DPP8: variants seen among roughly 807,000 people sequenced by gnomAD.
DPP8 encodes the protein DPP VIII.
In DPP8, 31 loss-of-function variants were observed where a neutral mutation model predicts 107.5. That is an observed-to-expected ratio of 0.29 (90% CI 0.22 to 0.39). The LOEUF is 0.39. DPP8 is among the 10% of genes least tolerant of loss of function. The pLI is 1.00. For synonymous variants in DPP8, 381 were observed against 356.6 expected (o/e 1.07, Z -0.77); for missense variants, 842 against 1,076.1 (o/e 0.78, Z 3.04).
intron 14 of DPP8, among the ~76,000 whole-genome samples, chr15:65,465,349 G>C (rs1429807285): frequency 6.6e-6 from 1 of 150,636 alleles, no homozygotes; most frequent in African/African-American, 2.4e-5. Flanking sequence ...TGTATTTTTA[G>C]TAGATGTGGG....
At chr15:65,493,207 C>T (rs2068218357) in intron 5 of DPP8, among the ~76,000 whole-genome samples, 1 of 152,110 alleles carries the variant, frequency 6.6e-6, no homozygotes, top group Non-Finnish European at 1.5e-5. Flanking sequence ...CCTAAGCCTC[C>T]TGAGTAGCTG....
intron 10 of DPP8, 122 bp from the exon 11 acceptor site, chr15:65,479,161 G>T: frequency 3.3e-6 from 2 of 614,634 alleles, no homozygotes; most frequent in Non-Finnish European, 5.1e-6. Flanking sequence ...CAATGCCAAA[G>T]GAATGCTATA....
chr15:65,457,610 T>G (rs905276814), intron 15 of DPP8, among the ~76,000 whole-genome samples: 5 of 152,170 alleles, frequency 3.3e-5, no homozygotes, highest in Admixed American at 6.5e-5. Context: ...TTATGGTCCA[T>G]GAAGTGGAAT....
chr15:65,463,610 TA>T, intron 15 of DPP8, 150 bp downstream of exon 15: 1 of 581,460 alleles, frequency 1.7e-6, no homozygotes, highest in Non-Finnish European at 2.8e-6. Flanking sequence ...CCTGACCCCC[TA>T]AACTGAATAA....
intron 4 of DPP8, among the ~76,000 whole-genome samples, chr15:65,498,610 A>G (rs940329838): frequency 3.3e-5 from 5 of 152,168 alleles, no homozygotes; most frequent in African/African-American, 7.2e-5. Context: ...CCTGTTTAAG[A>G]GAGTAATTAC....
At chr15:65,455,681 C>T in intron 16 of DPP8, 1 of 1,199,204 alleles carries the variant, frequency 8.3e-7, no homozygotes, top group Non-Finnish European at 1.1e-6. Context: ...GGTCAAAGAA[C>T]TGGCTGTGGG....
rs138079213 is a variant in DPP8 at position 65,453,311 on chromosome 15, G to A, written c.2271+952C>T. ...TAAGTAATTACGATCCATCAGGTAT[G>A]TTGTATGTGTTTTACTAATCATAAC... On this transcript the variant is annotated intron_variant, in intron 17 of 19. Transcript: ENST00000300141. Among the ~76,000 whole-genome samples, 1,484 of 152,294 alleles carry A rather than the reference G, an allele frequency of 9.7e-3. 19 individuals carry two copies. The highest frequency in any genetic ancestry group is 0.045 in the South Asian group (217 of 4,824).
At chr15:65,513,738 G>A (rs1216332133) in intron 1 of DPP8, among the ~76,000 whole-genome samples, 1 of 32,142 alleles carries the variant, frequency 3.1e-5, no homozygotes, top group African/African-American at 5.0e-5. Context: ...TATCTCATCT[G>A]CTAATGTTTA....
intron 11 of DPP8, among the ~76,000 whole-genome samples, chr15:65,478,416 C>A (rs1053263298): frequency 1.3e-5 from 2 of 152,112 alleles, no homozygotes; most frequent in Admixed American, 6.6e-5. Context: ...CACACCACCA[C>A]GCCCGGATCA....
intron 5 of DPP8, among the ~76,000 whole-genome samples, chr15:65,490,819 G>A (rs1228479894): frequency 6.6e-6 from 1 of 152,060 alleles, no homozygotes; most frequent in Non-Finnish European, 1.5e-5. Flanking sequence ...CCAGCAAATA[G>A]TTTGAAGGGG....
At chr15:65,507,478 G>C (rs572989292) in intron 2 of DPP8, 123 bp from the exon 3 acceptor site, 1 of 557,738 alleles carries the variant, frequency 1.8e-6, no homozygotes, top group East Asian at 3.2e-5. Flanking sequence ...GATATATAAT[G>C]AATGTTAACA....
intron 15 of DPP8, among the ~76,000 whole-genome samples, chr15:65,456,929 C>T (rs1204366503): frequency 6.6e-6 from 1 of 152,162 alleles, no homozygotes; most frequent in Non-Finnish European, 1.5e-5. Context: ...TGACATTTAC[C>T]GTTTTCTGTG....
chr15:65,478,667 C>A (rs2140704478), intron 11 of DPP8, among the ~76,000 whole-genome samples: 1 of 152,262 alleles, frequency 6.6e-6, no homozygotes, highest in South Asian at 2.1e-4. Context: ...AGATTATTCA[C>A]TATTAATACT....
chr15:65,471,373 G>C (rs1375724317), intron 12 of DPP8, among the ~76,000 whole-genome samples: 1 of 152,016 alleles, frequency 6.6e-6, no homozygotes, highest in Non-Finnish European at 1.5e-5. Flanking sequence ...TTTGAGGCGG[G>C]TATCATTCTG....
At chr15:65,501,785 T>C (rs1331012976) in intron 3 of DPP8, among the ~76,000 whole-genome samples, 3 of 152,232 alleles carry the variant, frequency 2.0e-5, no homozygotes, top group East Asian at 1.9e-4. Context: ...CCTGGACTCT[T>C]GGAAGAATGT....
At position 65,511,936 on chromosome 15, in the gene DPP8, G is replaced by A. The variant is rs186818474; in HGVS notation, c.259+359C>T. The A allele has an allele frequency of 7.7e-5, 28 of 361,402 alleles. No homozygotes were observed. The Admixed American group carries it at 9.9e-4, about 13-fold the overall frequency. The allele number at this position is 361,402 out of a possible 1,614,324, so 22.4% of individuals were successfully genotyped here. A position where few individuals can be genotyped will look rare whatever the true frequency, so the allele number is the denominator to read the frequency against. The stretch of plus-strand genomic sequence containing the variant: ...GGAAGAAGAGACCAAAAACAGCCTT[G>A]GATTAAAAAAACAAAAGCAGCAGCT... On this transcript the variant is annotated intron_variant, in intron 2 of 19. Transcript: ENST00000300141.
intron 5 of DPP8, 140 bp downstream of exon 5, chr15:65,497,723 TC>T (rs1371870091): frequency 5.5e-6 from 3 of 543,388 alleles, no homozygotes; most frequent in Admixed American, 3.7e-5. Flanking sequence ...TGTACTTTTC[TC>T]CATTTTTTAA....
At position 65,452,037 on chromosome 15, in the gene DPP8, A is replaced by G. The variant is rs1340030385; in HGVS notation, c.2337T>C (p.Tyr779=). 6.2e-6 allele frequency: 10 copies of G among 1,613,206 alleles called. No individual in the cohort carries two copies. The African/African-American group carries it at 9.4e-5, about 15-fold the overall frequency. The change falls in exon 18 of 20, where the codon TAT becomes TAC. Residue 779 remains tyrosine, a synonymous_variant. Transcript: ENST00000300141. ...GTTCATTCTGGTCAGGGTGACCCAT[A>G]TAACGTTCCGTGTATCCTGTATCAT... ...IFYDTGYTER[Y]MGHPDQNEQG...
chr15:65,455,505 C>T (rs2064339947), intron 16 of DPP8: 1 of 260,050 alleles, frequency 3.8e-6, no homozygotes, highest in African/African-American at 2.3e-5. Flanking sequence ...TTCTTATTTC[C>T]CTATTATACT....
Sources: gnomAD v4.1 joint callset for allele counts (sites outside exome capture counted in the v4.1 genomes callset) on GRCh38, gnomAD v4.1.1 for gene constraint, MANE v1.5 for transcripts, NCBI Gene and HGNC (gene_info 2026-07-23, HGNC 2026-07-21) for gene names.